Variants in NEK10 observed in about 807,000 individuals in gnomAD.
NEK10 encodes the protein NIMA related kinase 10, also known as serine/threonine-protein kinase Nek10.
In NEK10, 122 loss-of-function variants were observed where a neutral mutation model predicts 159.8. The ratio of observed to expected loss-of-function variants is 0.76; its 90% CI spans 0.66 to 0.89. The LOEUF (loss-of-function observed/expected upper bound fraction) is 0.89, where lower values mean the gene tolerates loss of function less well. Ranked by LOEUF, NEK10 falls within the 40% of genes least tolerant of loss-of-function variation. NEK10 has a pLI of 0.00. For synonymous variants in NEK10, 466 were observed against 457.1 expected (o/e 1.02, Z -0.25); for missense variants, 1,342 against 1,323.1 (o/e 1.01, Z -0.22).
intron 29 of NEK10, 93 bp downstream of exon 29, chr3:27,171,726 G>A: frequency 7.5e-7 from 1 of 1,331,232 alleles, no homozygotes; most frequent in Admixed American, 2.0e-5. Context: ...GCAGGCACAT[G>A]GAAACTTCTG....
chr3:27,313,803 C>T (rs2044914747), intron 7 of NEK10, among the ~76,000 whole-genome samples: 1 of 152,114 alleles, frequency 6.6e-6, no homozygotes, highest in African/African-American at 2.4e-5. Flanking sequence ...ACCTCCGCCC[C>T]CCAGGTTTAA....
intron 19 of NEK10, 122 bp downstream of exon 19, chr3:27,290,495 A>G: frequency 1.5e-6 from 1 of 678,322 alleles, no homozygotes; most frequent in South Asian, 2.7e-5. Context: ...TCACTGCTTC[A>G]GTGTCAATTA....
intron 30 of NEK10, 66 bp downstream of exon 30, chr3:27,162,635 G>A (rs767587688): frequency 2.5e-6 from 4 of 1,614,038 alleles, no homozygotes; most frequent in Non-Finnish European, 3.4e-6. Context: ...ATATGAAACT[G>A]TAACATAAAT....
chr3:27,295,546 T>A (rs2043295970), intron 15 of NEK10, 67 bp downstream of exon 15: 3 of 1,508,728 alleles, frequency 2.0e-6, no homozygotes. Flanking sequence ...AAATCATAGA[T>A]CATTTTACCA....
chr3:27,325,691 T>C (rs1196815902), intron 5 of NEK10, among the ~76,000 whole-genome samples: 1 of 152,058 alleles, frequency 6.6e-6, no homozygotes, highest in Non-Finnish European at 1.5e-5. Flanking sequence ...AAAGACTGAC[T>C]TCATGGGAAG....
chr3:27,322,956 C>T (rs1286470402), intron 5 of NEK10, among the ~76,000 whole-genome samples: 1 of 152,126 alleles, frequency 6.6e-6, no homozygotes, highest in African/African-American at 2.4e-5. Context: ...ATTGAAAATA[C>T]CTCACAGTGT....
At chr3:27,158,753 T>G (rs1945741265) in intron 30 of NEK10, among the ~76,000 whole-genome samples, 1 of 152,154 alleles carries the variant, frequency 6.6e-6, no homozygotes, top group Non-Finnish European at 1.5e-5. Context: ...GACATTATAT[T>G]TGCACTTGAA....
chr3:27,174,468 C>A lies in NEK10; in HGVS notation c.2747G>T (p.Ser916Ile). ...TGTAGATTCTTTCAGAGGGCTTGAA[C>A]TGGAGCTGCTGGAGTTATCCGAAAT... is the stretch of plus-strand genomic sequence containing the variant. ...LDISDNSSSS[S>I]SSPLKESTFN... The change falls in exon 28 of 36, where the codon AGT becomes ATT. Residue 916 changes from serine (S) to isoleucine (I), a missense_variant. Ser to Ile is a moderately radical substitution (Grantham distance 142). Transcript: ENST00000691995. 2 of 1,612,346 alleles carry A rather than the reference C, an allele frequency of 1.2e-6. No homozygotes were observed. The highest frequency in any genetic ancestry group is 8.5e-7 in the Non-Finnish European group (1 of 1,179,688).
intron 5 of NEK10, 32 bp from the exon 6 acceptor site, chr3:27,322,293 G>A (rs751925947): frequency 4.5e-5 from 59 of 1,312,010 alleles, no homozygotes; most frequent in African/African-American, 5.9e-5. Context: ...ACATGTTCAC[G>A]TTTAAAATCC....
Position 27,118,033 on chromosome 3 carries a change from T to C in NEK10, c.3190+1727A>G, listed in dbSNP as rs191200520. ...AGGGGCCCAGTTTCAATTTTCTGCA[T>C]GTGGCTAGTCAGTTCTCCCAGCACC... On this transcript the variant is annotated intron_variant, in intron 33 of 35. Transcript: ENST00000691995. Among the ~76,000 whole-genome samples, 13 of 152,338 alleles carry C rather than the reference T, an allele frequency of 8.5e-5. No individual in the cohort carries two copies. In the East Asian group the frequency reaches 2.5e-3, roughly 29 times the overall value.
intron 25 of NEK10, among the ~76,000 whole-genome samples, chr3:27,200,101 T>C (rs1311666463): frequency 6.6e-6 from 1 of 152,136 alleles, no homozygotes; most frequent in African/African-American, 2.4e-5. Flanking sequence ...CATGTACCTC[T>C]GAACTTAAAA....
At chr3:27,123,749 A>G (rs1941602490) in intron 32 of NEK10, among the ~76,000 whole-genome samples, 1 of 152,164 alleles carries the variant, frequency 6.6e-6, no homozygotes, top group Non-Finnish European at 1.5e-5. Flanking sequence ...AAAGGCTTCC[A>G]TGAAAAAGTG....
chr3:27,224,655 CTTTG>C (rs1448830271), intron 23 of NEK10, among the ~76,000 whole-genome samples: 1 of 152,164 alleles, frequency 6.6e-6, no homozygotes, highest in Non-Finnish European at 1.5e-5. Context: ...TCCTTCCCTT[CTTTG>C]TTTCTTGTTT....
intron 7 of NEK10, among the ~76,000 whole-genome samples, chr3:27,313,035 T>G (rs1047777186): frequency 6.6e-6 from 1 of 151,572 alleles, no homozygotes; most frequent in Admixed American, 6.6e-5. Flanking sequence ...CTCAAAAACG[T>G]GATCAGAAAT....
chr3:27,221,407 C>A (rs1952086425), intron 23 of NEK10, among the ~76,000 whole-genome samples: 1 of 152,108 alleles, frequency 6.6e-6, no homozygotes, highest in Non-Finnish European at 1.5e-5. Context: ...AGTGAGATAC[C>A]ATGTCATACC....
rs1448875246 is a variant in NEK10 at position 27,300,317 on chromosome 3, G to A, written c.1168+1379C>T. 6.6e-5 allele frequency among the ~76,000 whole-genome samples: 10 copies of A among 152,006 alleles called. No homozygotes were observed. The South Asian group carries it at 1.9e-3, about 28-fold the overall frequency. On this transcript the variant is annotated intron_variant, in intron 13 of 35. Transcript: ENST00000691995. ...AAGTGCATGGAGTTTCCCTGCACAA[G>A]CCCTCTCTTGCCTGCCATCATCCAC...
At chr3:27,327,262 G>A (rs2046070444) in intron 5 of NEK10, among the ~76,000 whole-genome samples, 1 of 150,998 alleles carries the variant, frequency 6.6e-6, no homozygotes, top group Non-Finnish European at 1.5e-5. Flanking sequence ...CAGCAGAGTG[G>A]CATGGGGGCA....
rs140154221 is a variant in NEK10 at position 27,355,734 on chromosome 3, T to C, written c.-37-2815A>G. Among the ~76,000 whole-genome samples, 59 of 152,250 alleles carry C rather than the reference T, an allele frequency of 3.9e-4. 2 individuals carry two copies. The East Asian group carries it at 0.01, about 27-fold the overall frequency. On this transcript the variant is annotated intron_variant, in intron 1 of 35. Coordinates refer to ENST00000691995, the MANE Select transcript of NEK10 (RefSeq NM_001394966.1). ...ATGCTTTAAAATGTAAATCAGATCA[T>C]ACCACTCTGTGGCTTACAACCTTCC... is the stretch of plus-strand genomic sequence containing the variant.
intron 12 of NEK10, among the ~76,000 whole-genome samples, chr3:27,303,862 T>C (rs891480205): frequency 3.3e-5 from 5 of 152,312 alleles, no homozygotes; most frequent in African/African-American, 1.2e-4. Context: ...AGAATGAGCT[T>C]TATTTATGTA....
Sources: allele counts gnomAD v4.1 joint callset (sites outside exome capture counted in the v4.1 genomes callset), GRCh38; gene constraint gnomAD v4.1.1; transcripts MANE v1.5; gene names NCBI Gene and HGNC (gene_info 2026-07-23, HGNC 2026-07-21).